Variants in RNASET2 observed in about 807,000 individuals in gnomAD.
RNASET2 encodes the protein ribonuclease 6.
In RNASET2, 28 loss-of-function variants were observed where a neutral mutation model predicts 33.9. The ratio of observed to expected loss-of-function variants is 0.83; its 90% CI spans 0.61 to 1.13. The LOEUF (loss-of-function observed/expected upper bound fraction) is 1.13. RNASET2 is among the 50% of genes most tolerant of loss of function. The probability of loss-of-function intolerance (pLI) is 0.00; values close to 1 mark genes in which losing one functional copy is unlikely to be tolerated. For missense variants in RNASET2, 330 were observed against 319.9 expected (o/e 1.03, Z -0.24); for synonymous variants, 123 against 121.0 (o/e 1.02, Z -0.11).
intron 4 of RNASET2, among the ~76,000 whole-genome samples, chr6:166,945,879 AT>A (rs1446330181): frequency 6.6e-6 from 1 of 151,468 alleles, no homozygotes; most frequent in Non-Finnish European, 1.5e-5. Flanking sequence ...CTTGTGATGG[AT>A]TTGCAACTAA....
rs975343405 is a variant in RNASET2 at position 166,925,343 on chromosome 6, C to T, written c.*4245G>A. Among the ~76,000 whole-genome samples the T allele has an allele frequency of 5.3e-5, 8 of 151,954 alleles. No homozygotes were observed. The highest frequency in any genetic ancestry group is 1.2e-4 in the Non-Finnish European group (8 of 67,998). ...CCTCACTCAAGCCACCCAGCTCTCA[C>T]TTCCTCCATCCAGGCATCATTCCTG... On this transcript the variant is annotated 3_prime_UTR_variant, in exon 9 of 9. Coordinates refer to ENST00000508775, the MANE Select transcript of RNASET2 (RefSeq NM_003730.6).
chr6:166,946,377 G>A (rs552567230), intron 4 of RNASET2, among the ~76,000 whole-genome samples: 12 of 152,336 alleles, frequency 7.9e-5, no homozygotes, highest in East Asian at 3.9e-4. Context: ...GCGGGCGAGC[G>A]TCAGGATCTG....
At chr6:166,955,984 G>A in intron 1 of RNASET2, 113 bp downstream of exon 1, 1 of 1,138,172 alleles carries the variant, frequency 8.8e-7, no homozygotes, top group Non-Finnish European at 1.3e-6. Context: ...GCCCTCCCCA[G>A]TCGCTGCCCG....
In RNASET2 at chr6:166,933,785, A is replaced by T. The variant is rs1778502067; in HGVS notation, c.492+306T>A. 8.8e-6 allele frequency: 4 copies of T among 454,172 alleles called. No individual in the cohort carries two copies. The highest frequency in any genetic ancestry group is 1.6e-5 in the Non-Finnish European group (4 of 253,946). 28.1% of individuals were successfully genotyped at this position (454,172 alleles called of 1,614,324 possible). A position where few individuals can be genotyped will look rare whatever the true frequency, so the allele number is the denominator to read the frequency against. ...CCACAAACAAATATAAGACTACGTT[A>T]TAAAAGTGAATGTGACTCTTGAAAC... On this transcript the variant is annotated intron_variant, in intron 7 of 8. Coordinates refer to ENST00000508775, the MANE Select transcript of RNASET2 (RefSeq NM_003730.6). This position sits in a 1 kb window ranked among gnomAD's most constrained non-coding sequence, Gnocchi z 4.1.
At chr6:166,943,574 G>A (rs1778746244) in intron 4 of RNASET2, 1 of 339,490 alleles carries the variant, frequency 2.9e-6, no homozygotes, top group South Asian at 2.3e-5. Flanking sequence ...TGGCTCAGGG[G>A]GTTTAGGGCC....
Position 166,931,324 on chromosome 6 carries a change from A to G in RNASET2, c.493-206T>C, listed in dbSNP as rs1778434614. On this transcript the variant is annotated intron_variant, in intron 7 of 8. Transcript: ENST00000508775. ...ACCTGGGCTTCATCCCCAGACCACA[A>G]GCCGCTCGCTGCGGCTCTGTTTTCC... 6.6e-6 allele frequency: 4 copies of G among 602,356 alleles called. No homozygotes were observed. In the South Asian group the frequency reaches 7.7e-5, roughly 12 times the overall value. 37.3% of individuals were successfully genotyped at this position (602,356 alleles called of 1,614,324 possible). A position where few individuals can be genotyped will look rare whatever the true frequency, so the allele number is the denominator to read the frequency against.
chr6:166,926,582 T>C lies in RNASET2; in HGVS notation c.*3006A>G, dbSNP rs909516700. On this transcript the variant is annotated 3_prime_UTR_variant, in exon 9 of 9. Transcript: ENST00000508775. Reference sequence around the variant, plus strand: ...AAGAAAAGATATCTAGTTCTGAATATGATACAATTGCTACTGTTAGTTATT... The same window carrying C: ...AAGAAAAGATATCTAGTTCTGAATACGATACAATTGCTACTGTTAGTTATT... Among the ~76,000 whole-genome samples the C allele has an allele frequency of 4.0e-5, 6 of 151,358 alleles. No homozygotes were observed. The highest frequency in any genetic ancestry group is 8.8e-5 in the Non-Finnish European group (6 of 67,866).
Position 166,933,132 on chromosome 6 carries a change from C to T in RNASET2, c.492+959G>A, listed in dbSNP as rs1778486417. 6.6e-6 allele frequency: 1 copy of T among 152,236 alleles called. No homozygotes were observed. Among genetic ancestry groups the T allele is most frequent in the African/African-American group, 2.4e-5 (1 of 41,462 alleles). 9.4% of individuals were successfully genotyped at this position (152,236 alleles called of 1,614,324 possible). ...GACTTTCAACCTTTTTCTAAATCCA[C>T]AACCTGTGATAAATACGAAAACTAT... On this transcript the variant is annotated intron_variant, in intron 7 of 8. Transcript: ENST00000508775. The surrounding 1 kb of genome is among the most constrained non-coding windows in gnomAD (Gnocchi z 4.1).
In RNASET2 at chr6:166,929,654, G is replaced by A. The variant is rs199823417; in HGVS notation, c.705C>T (p.Ser235=). Residue 235 remains serine (S), a synonymous_variant, in exon 9 of 9, where the codon AGC becomes AGT. Transcript: ENST00000508775. The part of the protein sequence containing the change: ...EVWLANGAAE[S]RGLRVCEDGP... The stretch of plus-strand genomic sequence containing the variant: ...CATCTTCACAGACTCTCAGACCCCG[G>A]CTCTCGGCGGCCCCATTTGCCAGCC... 1 of 1,614,092 alleles carries A rather than the reference G, an allele frequency of 6.2e-7. No individual in the cohort carries two copies. The highest frequency in any genetic ancestry group is 8.5e-7 in the Non-Finnish European group (1 of 1,180,018).
intron 6 of RNASET2, among the ~76,000 whole-genome samples, chr6:166,938,413 C>A (rs1377843369): frequency 6.6e-6 from 1 of 152,152 alleles, no homozygotes; most frequent in Non-Finnish European, 1.5e-5. Flanking sequence ...TGAGGGCAGG[C>A]AGGGACGATT....
At position 166,926,534 on chromosome 6, in the gene RNASET2, A is replaced by AC. The variant is rs1778308540; in HGVS notation, c.*3053_*3054insG. On this transcript the variant is annotated 3_prime_UTR_variant, in exon 9 of 9. Transcript: ENST00000508775. The stretch of plus-strand genomic sequence containing the variant: ...GGGCGACAGAGTGAGACTCAGTCTC[A>AC]AAAAAAAAAAAAAAGAAAAGAAAAG... 1.3e-4 allele frequency among the ~76,000 whole-genome samples: 1 copy of AC among 7,670 alleles called. No individual in the cohort carries two copies. The allele number at this position is 7,670 out of a possible 152,430, so 5.0% of individuals were successfully genotyped here.
intron 2 of RNASET2, among the ~76,000 whole-genome samples, chr6:166,950,055 T>C (rs1778945702): frequency 1.3e-5 from 2 of 152,252 alleles, no homozygotes; most frequent in South Asian, 4.1e-4. Flanking sequence ...AAGGCAAAGA[T>C]GTGCCTCCAC....
intron 1 of RNASET2, chr6:166,953,719 T>G (rs1385131342): frequency 2.6e-5 from 4 of 152,166 alleles, no homozygotes; most frequent in Non-Finnish European, 4.4e-5. Flanking sequence ...AAACCCTGTC[T>G]CTACAAAAAT....
At position 166,931,066 on chromosome 6, in the gene RNASET2, A is replaced by G; in HGVS notation, c.545T>C (p.Ile182Thr). 1.2e-6 allele frequency: 2 copies of G among 1,612,662 alleles called. No individual in the cohort carries two copies. Among genetic ancestry groups the G allele is most frequent in the Non-Finnish European group, 1.7e-6 (2 of 1,178,662 alleles). Residue 182 changes from isoleucine to threonine, a missense_variant, in exon 8 of 9, where the codon ATC (isoleucine) becomes ACC (threonine). Transcript: ENST00000508775. ...AACCTGGCTTGGTGGAAGGCACTGG[A>G]TTTTGGGTATCACTCCATATACTCT... ...LARVYGVIPKIQCLPPSQDEE... is the reference protein window; with the variant it reads ...LARVYGVIPKTQCLPPSQDEE...
At chr6:166,941,488 T>A (rs1778692362) in intron 5 of RNASET2, among the ~76,000 whole-genome samples, 1 of 152,198 alleles carries the variant, frequency 6.6e-6, no homozygotes, top group Non-Finnish European at 1.5e-5. Context: ...CATTCCAACT[T>A]ATCATGGCCA....
At chr6:166,937,283 T>G (rs1778591729) in intron 6 of RNASET2, among the ~76,000 whole-genome samples, 1 of 152,122 alleles carries the variant, frequency 6.6e-6, no homozygotes, top group Non-Finnish European at 1.5e-5. Flanking sequence ...ATTACAGGCA[T>G]GCACCACCAC....
At chr6:166,943,341 C>A in intron 4 of RNASET2, 1 of 397,700 alleles carries the variant, frequency 2.5e-6, no homozygotes, top group Non-Finnish European at 4.8e-6. Flanking sequence ...AGTGTACATC[C>A]AAACAATGGA....
At chr6:166,950,300 C>A (rs942666577) in intron 2 of RNASET2, among the ~76,000 whole-genome samples, 4 of 152,190 alleles carry the variant, frequency 2.6e-5, no homozygotes, top group Non-Finnish European at 5.9e-5. Context: ...AAAGTTGATG[C>A]CAGGCAGCTT....
intron 3 of RNASET2, among the ~76,000 whole-genome samples, chr6:166,948,062 TTGGCTGGGCACAG>T (rs1401453937): frequency 6.6e-6 from 1 of 152,172 alleles, no homozygotes; most frequent in East Asian, 1.9e-4. Context: ...AAAAGTGTTA[TTGGCTGGGCACAG>T]TGGCTCACAC....
Sources: gnomAD v4.1 joint callset for allele counts (sites outside exome capture counted in the v4.1 genomes callset) on GRCh38, gnomAD v4.1.1 for gene constraint, Gnocchi (gnomAD v3.1) non-coding constraint, MANE v1.5 for transcripts, NCBI Gene and HGNC (gene_info 2026-07-23, HGNC 2026-07-21) for gene names.